The following RHBDD1 variants were observed in gnomAD, a reference collection of about 807,000 sequenced individuals.
RHBDD1 encodes rhomboid-related protein 4.
A neutral mutation model predicts 36.3 loss-of-function variants in RHBDD1; 38 were observed. The ratio of observed to expected loss-of-function variants is 1.05; its 90% CI spans 0.81 to 1.37. The LOEUF (loss-of-function observed/expected upper bound fraction) is 1.37. Among genes scored for constraint, RHBDD1 ranks in the 40% most tolerant of loss-of-function variants. The probability of loss-of-function intolerance (pLI) is 0.00; values close to 1 mark genes in which losing one functional copy is unlikely to be tolerated. For synonymous variants in RHBDD1, 151 were observed against 136.5 expected, an observed-to-expected ratio of 1.11 and a Z score of -0.74; for missense variants, 393 against 377.6, an observed-to-expected ratio of 1.04 and a Z score of -0.34.
intron 8 of RHBDD1, among the ~76,000 whole-genome samples, chr2:226,949,698 G>A (rs1182249873): frequency 6.6e-6 from 1 of 152,164 alleles, no homozygotes; most frequent in African/African-American, 2.4e-5. Flanking sequence ...ACACATAAAT[G>A]TATTTTCTCA....
At chr2:226,970,455 T>A (rs964744776) in intron 8 of RHBDD1, among the ~76,000 whole-genome samples, 2 of 152,194 alleles carry the variant, frequency 1.3e-5, no homozygotes, top group African/African-American at 4.8e-5. Flanking sequence ...CCAAGTTTTA[T>A]CTGTACATGA....
chr2:226,822,501 G>C, the RHBDD1 span, among the ~76,000 whole-genome samples: 1 of 151,976 alleles, frequency 6.6e-6, no homozygotes, highest in African/African-American at 2.4e-5. Flanking sequence ...TGGGTGTGGT[G>C]GTGGGCACCT....
chr2:226,896,883 A>G (rs1327665748), intron 5 of RHBDD1, among the ~76,000 whole-genome samples: 1 of 151,900 alleles, frequency 6.6e-6, no homozygotes, highest in Non-Finnish European at 1.5e-5. Flanking sequence ...GCTCACTACA[A>G]CCTCTGTCCC....
chr2:226,864,857 G>A lies in RHBDD1; in HGVS notation c.164G>A (p.Ser55Asn). The A allele has an allele frequency of 1.2e-6, 2 of 1,614,194 alleles. No homozygotes were observed. Among genetic ancestry groups the A allele is most frequent in the Non-Finnish European group, 8.5e-7 (1 of 1,180,044 alleles). The part of the protein sequence containing the change: ...PQKPLYSSCL[S>N]VEKCYQQKDW... ...AAGCCACTGTATAGCTCCTGCCTTA[G>A]TGTGGAGAAGTGTTACCAGCAAAAA... is the stretch of plus-strand genomic sequence containing the variant. Residue 55 changes from serine (S) to asparagine (N), a missense_variant, in exon 4 of 9, where the codon AGT (serine) becomes AAT (asparagine). Physicochemically the swap from Ser to Asn is conservative, Grantham distance 46 (BLOSUM62 1). Coordinates refer to ENST00000392062, the MANE Select transcript of RHBDD1 (RefSeq NM_001167608.3).
chr2:226,990,633 C>T (rs1957977636), intron 8 of RHBDD1, among the ~76,000 whole-genome samples: 2 of 152,334 alleles, frequency 1.3e-5, no homozygotes, highest in South Asian at 4.1e-4. Context: ...AATTGCTTCT[C>T]TTCCCTTAGA....
intron 8 of RHBDD1, among the ~76,000 whole-genome samples, chr2:226,990,751 A>G (rs1201251238): frequency 1.3e-5 from 2 of 152,190 alleles, no homozygotes; most frequent in African/African-American, 4.8e-5. Context: ...TGGTGCTGTA[A>G]TTGAGGTAAA....
chr2:226,932,116 C>T (rs1341779119), intron 8 of RHBDD1, among the ~76,000 whole-genome samples: 1 of 151,976 alleles, frequency 6.6e-6, no homozygotes, highest in Non-Finnish European at 1.5e-5. Flanking sequence ...AAAATATTTT[C>T]TCTATCTGTT....
intron 8 of RHBDD1, among the ~76,000 whole-genome samples, chr2:226,947,670 A>G (rs2149197645): frequency 6.6e-6 from 1 of 152,318 alleles, no homozygotes; most frequent in South Asian, 2.1e-4. Flanking sequence ...CAACCTACTC[A>G]TCTGACAAAG....
intron 8 of RHBDD1, among the ~76,000 whole-genome samples, chr2:226,918,766 A>T (rs1949095929): frequency 6.6e-6 from 1 of 152,136 alleles, no homozygotes; most frequent in African/African-American, 2.4e-5. Context: ...ATAGTGCTAC[A>T]GTAAACATGG....
Position 226,996,400 on chromosome 2 carries a change from C to T in RHBDD1, c.*878C>T, listed in dbSNP as rs1959290015. On this transcript the variant is annotated 3_prime_UTR_variant, in exon 9 of 9. Transcript: ENST00000392062. Reference sequence around the variant, plus strand: ...CCTCTTAATTGGCCATTGTACCAGCCACTTGTCCTAGCCAAATGTCCAAAA... The same window carrying T: ...CCTCTTAATTGGCCATTGTACCAGCTACTTGTCCTAGCCAAATGTCCAAAA... 1 of 152,206 alleles carries T rather than the reference C, an allele frequency of 6.6e-6. No homozygotes were observed. The highest frequency in any genetic ancestry group is 1.5e-5 in the Non-Finnish European group (1 of 68,034). The allele number at this position is 152,206 out of a possible 1,614,324, so 9.4% of individuals were successfully genotyped here. A position where few individuals can be genotyped will look rare whatever the true frequency, so the allele number is the denominator to read the frequency against.
intron 3 of RHBDD1, among the ~76,000 whole-genome samples, chr2:226,843,818 A>G (rs747793541): frequency 1.3e-5 from 2 of 152,118 alleles, no homozygotes; most frequent in African/African-American, 4.8e-5. Flanking sequence ...TTCCTTTTCA[A>G]TTGTTTGGAA....
Position 226,904,419 on chromosome 2 carries a change from G to GA in RHBDD1, c.567-2374_567-2373insA, listed in dbSNP as rs577202459. 6.0e-4 allele frequency among the ~76,000 whole-genome samples: 89 copies of GA among 148,738 alleles called. 7 individuals carry two copies. The highest frequency in any genetic ancestry group is 1.9e-3 in the African/African-American group (75 of 40,098). ...ACTGTGGCACATCCTGCAAGCGGGG[G>GA]GGGAGGGGGGTCAGGGAACTCCTGT... On this transcript the variant is annotated intron_variant, in intron 5 of 8. Transcript: ENST00000392062.
intron 5 of RHBDD1, among the ~76,000 whole-genome samples, chr2:226,898,608 T>C (rs1474889988): frequency 2.6e-5 from 4 of 152,240 alleles, no homozygotes; most frequent in African/African-American, 9.6e-5. Flanking sequence ...GGTATCATGG[T>C]TGAAGGAGGC....
intron 8 of RHBDD1, among the ~76,000 whole-genome samples, chr2:226,955,505 T>A (rs1419017279): frequency 6.6e-6 from 1 of 152,238 alleles, no homozygotes; most frequent in African/African-American, 2.4e-5. Flanking sequence ...CACAAAGTCA[T>A]GTCAGCCCAG....
intron 3 of RHBDD1, among the ~76,000 whole-genome samples, chr2:226,860,606 T>G (rs1943766751): frequency 6.6e-6 from 1 of 152,220 alleles, no homozygotes; most frequent in Non-Finnish European, 1.5e-5. Context: ...TAAGTTGTCT[T>G]GTGACAGGTT....
chr2:226,848,775 A>G (rs981678230), intron 3 of RHBDD1, among the ~76,000 whole-genome samples: 1 of 152,198 alleles, frequency 6.6e-6, no homozygotes, highest in Non-Finnish European at 1.5e-5. Flanking sequence ...CCAGAATTTC[A>G]TTTTAAGGAC....
chr2:226,861,269 A>G (rs1943828427), intron 3 of RHBDD1, among the ~76,000 whole-genome samples: 2 of 152,180 alleles, frequency 1.3e-5, no homozygotes, highest in Admixed American at 1.3e-4. Flanking sequence ...AGGAGAAGTG[A>G]ACAGCAGAGA....
intron 3 of RHBDD1, among the ~76,000 whole-genome samples, chr2:226,840,300 A>C (rs13386125): frequency 0.22 from 34,001 of 152,032 alleles, 6,993 homozygotes; most frequent in African/African-American, 0.55. Flanking sequence ...TGGGCAAGAG[A>C]CCTTTGGGAT....
chr2:226,973,561 T>C (rs956023866), intron 8 of RHBDD1, among the ~76,000 whole-genome samples: 4 of 152,196 alleles, frequency 2.6e-5, no homozygotes, highest in African/African-American at 9.6e-5. Flanking sequence ...TTCCTAGATG[T>C]AATATTCACT....
Sources: allele counts gnomAD v4.1 joint callset (sites outside exome capture counted in the v4.1 genomes callset), GRCh38; gene constraint gnomAD v4.1.1; transcripts MANE v1.5; gene names NCBI Gene and HGNC (gene_info 2026-07-23, HGNC 2026-07-21).